The following POU6F2 variants were observed in gnomAD, a reference collection of about 807,000 sequenced individuals.
POU6F2 encodes the protein POU domain, class 6, transcription factor 2.
POU6F2 carries 31 observed loss-of-function variants against 71.3 expected under a neutral mutation model. The observed-to-expected ratio is 0.43, with a 90% CI of 0.33 to 0.59. The LOEUF is 0.59. Ranked by LOEUF, POU6F2 falls within the 20% of genes least tolerant of loss-of-function variation. The pLI, the probability that POU6F2 is intolerant of heterozygous loss-of-function variation, is 0.04. For missense variants in POU6F2, 783 were observed against 856.8 expected (o/e 0.91, Z 1.07); for synonymous variants, 347 against 355.7 (o/e 0.98, Z 0.27).
chr7:39,161,902 A>G (rs1436924478), intron 2 of POU6F2, among the ~76,000 whole-genome samples: 1 of 152,228 alleles, frequency 6.6e-6, no homozygotes, highest in East Asian at 1.9e-4. Flanking sequence ...CTTACGTGGT[A>G]TACTGGCCAT....
intron 4 of POU6F2, among the ~76,000 whole-genome samples, chr7:39,320,100 C>A (rs560641156): frequency 2.0e-5 from 3 of 152,270 alleles, no homozygotes; most frequent in African/African-American, 4.8e-5. Flanking sequence ...TCAGAATGAA[C>A]CTCCATGGGG....
intron 1 of POU6F2, among the ~76,000 whole-genome samples, chr7:39,005,554 A>G (rs957169273): frequency 7.8e-6 from 1 of 128,634 alleles, no homozygotes; most frequent in African/African-American, 2.6e-5. Flanking sequence ...GCGTGCAGGC[A>G]TGTGTGCACG....
chr7:39,041,967 G>A (rs1790201903), intron 1 of POU6F2, among the ~76,000 whole-genome samples: 1 of 151,864 alleles, frequency 6.6e-6, no homozygotes. Context: ...TTATTGGGCT[G>A]GATTTACAAA....
rs1562670884 is a variant in POU6F2, at chr7:39,015,906, TATTATATATTATATATA to T, written c.105+37849_105+37865del. Among the ~76,000 whole-genome samples, 75 of 54,390 alleles carry T rather than the reference TATTATATATTATATATA, an allele frequency of 1.4e-3. 6 individuals are homozygous for T. The highest frequency in any genetic ancestry group is 5.2e-3 in the East Asian group (6 of 1,162). 35.7% of individuals were successfully genotyped at this position (54,390 alleles called of 152,430 possible). On this transcript the variant is annotated intron_variant, in intron 1 of 9. Coordinates refer to ENST00000518318, the MANE Select transcript of POU6F2 (RefSeq NM_001370959.1). ...ATATTATATATTATATATAGATATA[TATTATATATTATATATA>T]GATATATATAATATATAGATATATA...
chr7:39,429,812 C>A (rs1172180358), intron 6 of POU6F2, among the ~76,000 whole-genome samples: 1 of 152,244 alleles, frequency 6.6e-6, no homozygotes, highest in East Asian at 1.9e-4. Context: ...GATTCCCCTA[C>A]AGCCTTGTCA....
intron 5 of POU6F2, among the ~76,000 whole-genome samples, chr7:39,386,094 G>C (rs1156626561): frequency 2.0e-5 from 3 of 149,240 alleles, no homozygotes; most frequent in African/African-American, 7.5e-5. Flanking sequence ...CTCCAGCCTG[G>C]GCAACAGAGC....
chr7:39,429,625 G>A (rs1383979571), intron 6 of POU6F2, among the ~76,000 whole-genome samples: 13 of 152,204 alleles, frequency 8.5e-5, no homozygotes, highest in Non-Finnish European at 1.2e-4. Flanking sequence ...CATTTCAGGA[G>A]AACATAAATC....
chr7:39,033,770 C>T (rs1043879344), intron 1 of POU6F2, among the ~76,000 whole-genome samples: 1 of 152,274 alleles, frequency 6.6e-6, no homozygotes, highest in East Asian at 1.9e-4. Context: ...TTGCACCAGG[C>T]AGTAACAATC....
At chr7:39,299,000 C>T (rs1784903755) in intron 4 of POU6F2, among the ~76,000 whole-genome samples, 1 of 151,778 alleles carries the variant, frequency 6.6e-6, no homozygotes, top group South Asian at 2.1e-4. Context: ...ACACCAGGGC[C>T]TGTTAGGGGG....
intron 2 of POU6F2, among the ~76,000 whole-genome samples, chr7:39,124,479 G>A (rs1030713132): frequency 2.0e-5 from 3 of 152,114 alleles, no homozygotes; most frequent in Admixed American, 6.5e-5. Context: ...CTTCCCAGAC[G>A]GTGGGAAGAC....
At chr7:39,090,727 A>T (rs772115974) in intron 2 of POU6F2, among the ~76,000 whole-genome samples, 3 of 152,214 alleles carry the variant, frequency 2.0e-5, no homozygotes, top group Non-Finnish European at 2.9e-5. Flanking sequence ...TTGAAAATTT[A>T]TACCCCTTTT....
chr7:39,158,080 C>T (rs940003851), intron 2 of POU6F2, among the ~76,000 whole-genome samples: 11 of 152,210 alleles, frequency 7.2e-5, no homozygotes, highest in Middle Eastern at 3.4e-3. Flanking sequence ...AATTTCTCTG[C>T]GCTTTAGTTT....
intron 4 of POU6F2, among the ~76,000 whole-genome samples, chr7:39,233,572 A>G (rs1264449683): frequency 6.6e-6 from 1 of 152,118 alleles, no homozygotes; most frequent in East Asian, 1.9e-4. Context: ...CCGGAGGGCT[A>G]GAGGATGATG....
intron 1 of POU6F2, among the ~76,000 whole-genome samples, chr7:39,040,762 A>G (rs1283528760): frequency 6.6e-6 from 1 of 151,940 alleles, no homozygotes; most frequent in Non-Finnish European, 1.5e-5. Flanking sequence ...TCTTCAATGA[A>G]ACAAATTCAA....
intron 4 of POU6F2, among the ~76,000 whole-genome samples, chr7:39,272,441 C>T (rs1784357852): frequency 6.6e-6 from 1 of 152,252 alleles, no homozygotes; most frequent in Non-Finnish European, 1.5e-5. Context: ...ATATTTTATT[C>T]CTCAGTGAAT....
intron 4 of POU6F2, among the ~76,000 whole-genome samples, chr7:39,219,110 C>T (rs564447260): frequency 1.3e-5 from 2 of 152,178 alleles, no homozygotes; most frequent in South Asian, 2.1e-4. Context: ...ATACCTCTTG[C>T]GTTTGAATTC....
At chr7:39,456,226 G>A (rs560699645) in intron 8 of POU6F2, among the ~76,000 whole-genome samples, 1 of 152,282 alleles carries the variant, frequency 6.6e-6, no homozygotes, top group East Asian at 1.9e-4. Flanking sequence ...CCATCAAGGT[G>A]GCCTTCAGAT....
chr7:39,241,907 C>G (rs1783733263), intron 4 of POU6F2, among the ~76,000 whole-genome samples: 1 of 152,148 alleles, frequency 6.6e-6, no homozygotes, highest in Admixed American at 6.5e-5. Context: ...TCCTTGACCA[C>G]CAGCCTGAGT....
At chr7:39,419,136 T>C (rs1047331133) in intron 6 of POU6F2, among the ~76,000 whole-genome samples, 2 of 116,110 alleles carry the variant, frequency 1.7e-5, no homozygotes, top group African/African-American at 3.2e-5. Context: ...TATATACACA[T>C]ATATATACGT....
Sources: gnomAD v4.1 joint callset for allele counts (sites outside exome capture counted in the v4.1 genomes callset) on GRCh38, gnomAD v4.1.1 for gene constraint, MANE v1.5 for transcripts, NCBI Gene and HGNC (gene_info 2026-07-23, HGNC 2026-07-21) for gene names.